The following CDKL2 variants were observed in gnomAD, a reference collection of about 807,000 sequenced individuals.
The protein encoded by CDKL2 is cyclin-dependent kinase-like 2.
A neutral mutation model predicts 63.9 loss-of-function variants in CDKL2; 64 were observed. The ratio of observed to expected loss-of-function variants is 1.00; its 90% CI spans 0.82 to 1.23. The LOEUF (loss-of-function observed/expected upper bound fraction) is 1.23. CDKL2 is among the 50% of genes most tolerant of loss of function. The pLI is 0.00. For synonymous variants in CDKL2, 211 were observed against 229.2 expected, an observed-to-expected ratio of 0.92 and a Z score of 0.72; for missense variants, 656 against 668.0, an observed-to-expected ratio of 0.98 and a Z score of 0.20.
intron 6 of CDKL2, among the ~76,000 whole-genome samples, chr4:75,602,981 TG>T (rs1326345678): frequency 1.4e-5 from 2 of 147,458 alleles, no homozygotes; most frequent in African/African-American, 5.0e-5. Context: ...TAACAATAAA[TG>T]GTTTCTTTTT....
intron 13 of CDKL2, 27 bp downstream of exon 13, chr4:75,581,783 G>T: frequency 7.5e-7 from 1 of 1,325,510 alleles, no homozygotes; most frequent in Non-Finnish European, 1.1e-6. Context: ...AGGCTGCACA[G>T]CTTTAAGTAT....
chr4:75,621,290 A>C (rs2148910841), intron 2 of CDKL2, among the ~76,000 whole-genome samples: 1 of 84,492 alleles, frequency 1.2e-5, no homozygotes, highest in East Asian at 4.7e-4. Flanking sequence ...CCATAAAATT[A>C]ACAGACAAAA....
intron 6 of CDKL2, among the ~76,000 whole-genome samples, chr4:75,600,877 G>A (rs79090461): frequency 0.023 from 3,570 of 152,206 alleles, 60 homozygotes; most frequent in South Asian, 0.066. Flanking sequence ...GTCTCTATAT[G>A]GAAATACACA....
intron 2 of CDKL2, among the ~76,000 whole-genome samples, chr4:75,625,169 G>C (rs1009768740): frequency 9.2e-5 from 14 of 151,812 alleles, no homozygotes; most frequent in African/African-American, 2.7e-4. Context: ...AGAACAAGAG[G>C]GTTTTTTTTA....
At chr4:75,623,509 A>G (rs1042896011) in intron 2 of CDKL2, among the ~76,000 whole-genome samples, 1 of 152,236 alleles carries the variant, frequency 6.6e-6, no homozygotes, top group Non-Finnish European at 1.5e-5. Flanking sequence ...ACCATTATTA[A>G]GATCAAGAAC....
chr4:75,622,555 C>T (rs1730195026), intron 2 of CDKL2, among the ~76,000 whole-genome samples: 1 of 151,362 alleles, frequency 6.6e-6, no homozygotes, highest in African/African-American at 2.4e-5. Flanking sequence ...CCCGTCTCTA[C>T]TAAAATACAA....
At position 75,600,334 on chromosome 4, in the gene CDKL2, G is replaced by A. The variant is rs1330150466; in HGVS notation, c.831C>T (p.Phe277=). 6.2e-7 allele frequency: 1 copy of A among 1,613,568 alleles called. No individual in the cohort carries two copies. Among genetic ancestry groups the A allele is most frequent in the Admixed American group, 1.7e-5 (1 of 60,010 alleles). Residue 277 remains phenylalanine (F), a synonymous_variant, in exon 7 of 14, where the codon TTC becomes TTT. Coordinates refer to ENST00000307465, the MANE Select transcript of CDKL2 (RefSeq NM_001330724.2). Reference sequence around the variant, plus strand: ...AATCATGGTGTAGGAGCTCAGCACAGAAGGGTCTTTTGTCGGGGTCAATAT... The same window carrying A: ...AATCATGGTGTAGGAGCTCAGCACAAAAGGGTCTTTTGTCGGGGTCAATAT... The part of the protein sequence containing the change: ...CLHIDPDKRP[F]CAELLHHDFF...
intron 10 of CDKL2, among the ~76,000 whole-genome samples, chr4:75,593,834 TAGTG>T (rs1161429511): frequency 1.3e-5 from 2 of 152,228 alleles, no homozygotes; most frequent in South Asian, 2.1e-4. Flanking sequence ...GCTCTGAAGA[TAGTG>T]AGAGAAATAG....
chr4:75,595,501 T>G (rs1578323845), intron 10 of CDKL2, among the ~76,000 whole-genome samples: 3 of 152,088 alleles, frequency 2.0e-5, no homozygotes, highest in African/African-American at 7.2e-5. Flanking sequence ...AGATGTGTGC[T>G]ACTGTCCCTG....
intron 2 of CDKL2, among the ~76,000 whole-genome samples, chr4:75,620,028 T>A (rs1730089343): frequency 6.6e-6 from 1 of 151,866 alleles, no homozygotes. Flanking sequence ...CCACAAAAAA[T>A]TAAAAAAATT....
intron 9 of CDKL2, 101 bp downstream of exon 9, chr4:75,596,834 A>G: frequency 2.0e-6 from 2 of 1,013,714 alleles, no homozygotes; most frequent in East Asian, 2.5e-5. Context: ...AATAGCATCC[A>G]GAATTCTGAG....
chr4:75,619,923 G>A (rs138263344), intron 2 of CDKL2, among the ~76,000 whole-genome samples: 14 of 152,230 alleles, frequency 9.2e-5, no homozygotes, highest in African/African-American at 1.2e-4. Context: ...GGTGGCTCCC[G>A]CCTATGATTC....
rs1004790529 is a variant in CDKL2 at position 75,604,984 on chromosome 4, C to T, written c.655+538G>A. On this transcript the variant is annotated intron_variant, in intron 5 of 13. Coordinates refer to ENST00000307465, the MANE Select transcript of CDKL2 (RefSeq NM_001330724.2). ...ACTGCACCCCAGCCTGGTGACAGAA[C>T]GAGACTCCGTCTCAAAAAATAAAAA... Among the ~76,000 whole-genome samples the T allele has an allele frequency of 7.3e-5, 11 of 151,516 alleles. No individual in the cohort carries two copies. In the East Asian group the frequency reaches 7.8e-4, roughly 11 times the overall value.
intron 12 of CDKL2, among the ~76,000 whole-genome samples, chr4:75,588,584 C>A (rs1051027679): frequency 5.3e-5 from 8 of 152,074 alleles, no homozygotes; most frequent in African/African-American, 1.7e-4. Flanking sequence ...GTGTTGGATT[C>A]ACAATTAGAG....
chr4:75,600,483 G>T (rs1395229276), intron 6 of CDKL2, 114 bp from the exon 7 acceptor site: 3 of 681,490 alleles, frequency 4.4e-6, no homozygotes, highest in East Asian at 2.7e-5. Context: ...TTTAAGACAG[G>T]GTCTCACTCT....
At position 75,576,829 on chromosome 4, in the gene CDKL2, T is replaced by G. The variant is rs1289699630; in HGVS notation, c.*2373A>C. Among the ~76,000 whole-genome samples the G allele has an allele frequency of 6.6e-6, 1 of 152,208 alleles. No homozygotes were observed. Among genetic ancestry groups the G allele is most frequent in the Non-Finnish European group, 1.5e-5 (1 of 68,032 alleles). On this transcript the variant is annotated 3_prime_UTR_variant, in exon 14 of 14. Coordinates refer to ENST00000307465, the MANE Select transcript of CDKL2 (RefSeq NM_001330724.2). ...AGAAAACACATTTTCTATGTTCCAT[T>G]TCAATGGGAAGTCAGATATTCTAAG... is the stretch of plus-strand genomic sequence containing the variant.
intron 5 of CDKL2, 150 bp downstream of exon 5, chr4:75,605,372 C>G (rs1729377650): frequency 5.2e-6 from 3 of 578,046 alleles, no homozygotes; most frequent in Non-Finnish European, 9.3e-6. Flanking sequence ...CACACACACA[C>G]ACACACACAG....
intron 12 of CDKL2, among the ~76,000 whole-genome samples, chr4:75,582,573 A>G (rs1728308533): frequency 6.6e-6 from 1 of 152,136 alleles, no homozygotes; most frequent in South Asian, 2.1e-4. Context: ...CATACATATC[A>G]TTAGACTCTC....
chr4:75,629,756 A>G (rs908063366), intron 1 of CDKL2, among the ~76,000 whole-genome samples: 12 of 152,106 alleles, frequency 7.9e-5, no homozygotes, highest in African/African-American at 1.9e-4. Flanking sequence ...CCTAACCAAC[A>G]TGGAGAAACC....
Sources: gnomAD v4.1 joint callset for allele counts (sites outside exome capture counted in the v4.1 genomes callset) on GRCh38, gnomAD v4.1.1 for gene constraint, MANE v1.5 for transcripts, NCBI Gene and HGNC (gene_info 2026-07-23, HGNC 2026-07-21) for gene names.